The following PTPRD variants were observed in gnomAD, a reference collection of about 807,000 sequenced individuals.
The protein encoded by PTPRD is receptor-type tyrosine-protein phosphatase delta.
Under a neutral mutation model 214.5 loss-of-function variants are expected in PTPRD, and 34 were observed. The ratio of observed to expected loss-of-function variants is 0.16; its 90% CI spans 0.12 to 0.21. The LOEUF is 0.21. Ranked by LOEUF, PTPRD falls within the 10% of genes least tolerant of loss-of-function variation. The pLI, the probability that PTPRD is intolerant of heterozygous loss-of-function variation, is 1.00. For missense variants in PTPRD, 2,545 were observed against 2,398.7 expected, an observed-to-expected ratio of 1.06 and a Z score of -1.27; for synonymous variants, 1,128 against 845.7, an observed-to-expected ratio of 1.33 and a Z score of -5.79.
chr9:10,064,568 G>C (rs2097842832), intron 3 of PTPRD, among the ~76,000 whole-genome samples: 1 of 151,792 alleles, frequency 6.6e-6, no homozygotes, highest in Non-Finnish European at 1.5e-5. Flanking sequence ...AATTCTACAA[G>C]CCTGAACCTC....
At chr9:10,379,465 A>G (rs1565654810) in intron 2 of PTPRD, among the ~76,000 whole-genome samples, 1 of 151,974 alleles carries the variant, frequency 6.6e-6, no homozygotes, top group South Asian at 2.1e-4. Flanking sequence ...AAAGGCTTAC[A>G]AAATGGATAA....
intron 11 of PTPRD, among the ~76,000 whole-genome samples, chr9:8,769,837 G>A (rs927703288): frequency 6.6e-6 from 1 of 151,432 alleles, no homozygotes; most frequent in Non-Finnish European, 1.5e-5. Flanking sequence ...AAATCTGACC[G>A]CACTCCCCTG....
intron 11 of PTPRD, among the ~76,000 whole-genome samples, chr9:8,799,565 G>A (rs2096529422): frequency 6.6e-6 from 1 of 152,206 alleles, no homozygotes; most frequent in Non-Finnish European, 1.5e-5. Flanking sequence ...TGTAAAGTAA[G>A]CAAGGAAGTT....
At chr9:8,433,976 TTTGTTTGTTTGC>T (rs1442900757) in intron 35 of PTPRD, among the ~76,000 whole-genome samples, 3 of 146,520 alleles carry the variant, frequency 2.0e-5, no homozygotes, top group Non-Finnish European at 3.0e-5. Flanking sequence ...AGGGGCACCA[TTTGTTTGTTTGC>T]TTGTTTGTTT....
intron 2 of PTPRD, among the ~76,000 whole-genome samples, chr9:10,499,458 T>C (rs532692004): frequency 2.6e-5 from 4 of 152,092 alleles, no homozygotes; most frequent in South Asian, 4.1e-4. Flanking sequence ...CCATCAATCA[T>C]ACCGGACAGT....
At chr9:9,195,069 CAT>C (rs566395051) in intron 9 of PTPRD, among the ~76,000 whole-genome samples, 205 of 120,552 alleles carry the variant, frequency 1.7e-3, no homozygotes, top group African/African-American at 5.7e-3. Context: ...TACATATATA[CAT>C]ATGTGTGTGT....
intron 2 of PTPRD, among the ~76,000 whole-genome samples, chr9:10,509,204 A>G: frequency 6.6e-6 from 1 of 152,052 alleles, no homozygotes; most frequent in East Asian, 1.9e-4. Context: ...CTCCATATTA[A>G]AAATCATTGC....
At chr9:9,544,081 T>C (rs945997148) in intron 8 of PTPRD, among the ~76,000 whole-genome samples, 1 of 151,640 alleles carries the variant, frequency 6.6e-6, no homozygotes, top group African/African-American at 2.4e-5. Flanking sequence ...ATCTCTGTGA[T>C]ACACTTCAAA....
rs145320743 is a variant in PTPRD at position 10,036,358 on chromosome 9, G to C, written c.-544-2568C>G. Among the ~76,000 whole-genome samples, 360 of 152,000 alleles carry C rather than the reference G, an allele frequency of 2.4e-3. 3 individuals carry two copies. Among genetic ancestry groups the C allele is most frequent in the Middle Eastern group, 0.014 (4 of 294 alleles). On this transcript the variant is annotated intron_variant, in intron 3 of 45. Coordinates refer to ENST00000381196, the MANE Select transcript of PTPRD (RefSeq NM_002839.4). ...CTGATGTATTTCCCTGTTAAGCCTG[G>C]ATAAACATTCTAAAGCCCTTTTGCT...
chr9:10,516,416 G>A (rs1453688368), intron 2 of PTPRD, among the ~76,000 whole-genome samples: 1 of 151,628 alleles, frequency 6.6e-6, no homozygotes, highest in Non-Finnish European at 1.5e-5. Context: ...TTTTTAATGA[G>A]GTTATTAGAT....
intron 9 of PTPRD, among the ~76,000 whole-genome samples, chr9:9,297,352 T>C (rs1274027490): frequency 6.6e-6 from 1 of 151,468 alleles, no homozygotes; most frequent in African/African-American, 2.4e-5. Flanking sequence ...CATAATGAAG[T>C]AGAATAAGAT....
chr9:9,875,566 TTAAC>T (rs1324649404), intron 5 of PTPRD, among the ~76,000 whole-genome samples: 1 of 152,050 alleles, frequency 6.6e-6, no homozygotes, highest in Non-Finnish European at 1.5e-5. Flanking sequence ...TTATTGTAGG[TTAAC>T]TATTAGAATT....
At chr9:9,223,060 A>G (rs573682090) in intron 9 of PTPRD, among the ~76,000 whole-genome samples, 1 of 152,038 alleles carries the variant, frequency 6.6e-6, no homozygotes, top group African/African-American at 2.4e-5. Context: ...ATGGAAAGGT[A>G]TAAGAATTTC....
intron 7 of PTPRD, among the ~76,000 whole-genome samples, chr9:9,733,163 C>T (rs1299601493): frequency 2.0e-5 from 3 of 152,150 alleles, no homozygotes; most frequent in Non-Finnish European, 4.4e-5. Context: ...TATGACAGAA[C>T]ATTTTAATGT....
chr9:9,923,255 T>G (rs1418065872), intron 5 of PTPRD, among the ~76,000 whole-genome samples: 1 of 142,090 alleles, frequency 7.0e-6, no homozygotes, highest in Non-Finnish European at 1.5e-5. Context: ...GTTAGTTTTT[T>G]TTTTCAAATA....
intron 8 of PTPRD, among the ~76,000 whole-genome samples, chr9:9,521,616 C>T (rs1398813409): frequency 6.6e-6 from 1 of 152,066 alleles, no homozygotes; most frequent in Non-Finnish European, 1.5e-5. Flanking sequence ...AGGGGAGGCG[C>T]TCTAAGTGGC....
intron 3 of PTPRD, among the ~76,000 whole-genome samples, chr9:10,122,994 A>G (rs2098788656): frequency 6.6e-6 from 1 of 152,234 alleles, no homozygotes; most frequent in African/African-American, 2.4e-5. Context: ...TGCTTGCCTG[A>G]GTTACACATC....
At chr9:10,080,088 T>C (rs2098210085) in intron 3 of PTPRD, among the ~76,000 whole-genome samples, 1 of 152,014 alleles carries the variant, frequency 6.6e-6, no homozygotes, top group African/African-American at 2.4e-5. Flanking sequence ...AAAATTCCAC[T>C]AATGGTCTAA....
intron 8 of PTPRD, among the ~76,000 whole-genome samples, chr9:9,425,370 A>ATAG (rs374887741): frequency 3.4e-4 from 2 of 5,902 alleles, no homozygotes; most frequent in African/African-American, 1.4e-3. Flanking sequence ...TATAAAATAT[A>ATAG]TATTATAATA....
Sources: allele counts gnomAD v4.1 joint callset (sites outside exome capture counted in the v4.1 genomes callset), GRCh38; gene constraint gnomAD v4.1.1; transcripts MANE v1.5; gene names NCBI Gene and HGNC (gene_info 2026-07-23, HGNC 2026-07-21).